Variants in LIAT1 observed in about 807,000 individuals in gnomAD.
The protein encoded by LIAT1 is ligand of ATE1.
chr17:410,910 A>G, the LIAT1 span, among the ~76,000 whole-genome samples: 4 of 152,078 alleles, frequency 2.6e-5, no homozygotes, highest in African/African-American at 7.2e-5. Flanking sequence ...CCAGCCCCAC[A>G]CAAAGACACC....
At chr17:410,580 C>T in the LIAT1 span, 1 of 1,546,478 alleles carries the variant, frequency 6.5e-7, no homozygotes, top group Non-Finnish European at 8.7e-7. Context: ...CGCCTCCGAG[C>T]TGGCCAAACG....
chr17:414,128 G>A, the LIAT1 span: 217 of 1,606,128 alleles, frequency 1.4e-4, no homozygotes, highest in Non-Finnish European at 1.7e-4. The surrounding 1 kb of genome is among the most constrained non-coding windows in gnomAD (Gnocchi z 4.1). Flanking sequence ...ATCTACCCAC[G>A]ACGCTCACAA....
chr17:411,042 C>A, the LIAT1 span, among the ~76,000 whole-genome samples: 1 of 152,156 alleles, frequency 6.6e-6, no homozygotes, highest in Admixed American at 6.5e-5. Flanking sequence ...CATGAAAGGC[C>A]CTCACTCTCA....
At chr17:410,682 G>C in the LIAT1 span, 3 of 1,528,890 alleles carry the variant, frequency 2.0e-6, no homozygotes, top group Non-Finnish European at 1.8e-6. Flanking sequence ...CGTCAGCTCC[G>C]GTTCCCTGGA....
chr17:412,672 G>A, the LIAT1 span, among the ~76,000 whole-genome samples: 1,480 of 152,164 alleles, frequency 9.7e-3, 27 homozygotes, highest in African/African-American at 0.034. Context: ...GTTGTTTTCC[G>A]TTCCTTCCAT....
the LIAT1 span, chr17:414,140 C>T: frequency 6.3e-7 from 1 of 1,598,916 alleles, no homozygotes; most frequent in Non-Finnish European, 8.5e-7. The surrounding 1 kb of genome is among the most constrained non-coding windows in gnomAD (Gnocchi z 4.1). Context: ...CGCTCACAAA[C>T]TTATAATTCC....
At chr17:412,103 C>T in the LIAT1 span, among the ~76,000 whole-genome samples, 41 of 152,308 alleles carry the variant, frequency 2.7e-4, no homozygotes, top group African/African-American at 9.6e-4. Context: ...ACATGGCTCA[C>T]GCCTGTAATC....
the LIAT1 span, chr17:414,239 C>A: frequency 1.6e-6 from 2 of 1,218,998 alleles, no homozygotes; most frequent in African/African-American, 1.5e-5. The surrounding 1 kb of genome is among the most constrained non-coding windows in gnomAD (Gnocchi z 4.1). Context: ...GGTACACGGA[C>A]GACGCCGACT....
At chr17:413,337 G>A in the LIAT1 span, 48 of 1,614,228 alleles carry the variant, frequency 3.0e-5, 1 homozygote, top group Admixed American at 1.8e-4. Context: ...CTTGCGAATC[G>A]GATCAACGAA....
the LIAT1 span, chr17:413,155 T>A: frequency 6.2e-7 from 1 of 1,613,694 alleles, no homozygotes; most frequent in African/African-American, 1.3e-5. Flanking sequence ...CAGATAAACA[T>A]CAGAGTCAGA....
chr17:410,328 G>A, the LIAT1 span: 2 of 1,455,718 alleles, frequency 1.4e-6, no homozygotes, highest in South Asian at 1.4e-5. Context: ...CGCAGGCGCA[G>A]CAGGGGTGGT....
chr17:413,467 C>T, the LIAT1 span: 3 of 1,573,958 alleles, frequency 1.9e-6, no homozygotes, highest in East Asian at 2.4e-5. Context: ...TCCACCCCGA[C>T]CCCGAGGCCC....
chr17:411,663 C>G, the LIAT1 span, among the ~76,000 whole-genome samples: 5 of 151,916 alleles, frequency 3.3e-5, no homozygotes, highest in African/African-American at 1.2e-4. Context: ...ATTGCAGTCT[C>G]TCTCAGGGAC....
the LIAT1 span, chr17:410,600 G>C: frequency 6.5e-7 from 1 of 1,545,152 alleles, no homozygotes; most frequent in East Asian, 2.4e-5. Flanking sequence ...GGAAGGTGAA[G>C]AAGAAAAAAA....
chr17:413,617 C>A, the LIAT1 span: 3 of 1,547,158 alleles, frequency 1.9e-6, no homozygotes, highest in East Asian at 2.4e-5. Context: ...TCCACCCCGA[C>A]CCCGAGGCCC....
chr17:410,487 AAGGACAACGACGGCG>A, the LIAT1 span: 1 of 1,543,926 alleles, frequency 6.5e-7, no homozygotes, highest in Non-Finnish European at 8.7e-7. Flanking sequence ...AATGGGGTAC[AAGGACAACGACGGCG>A]AGGAGGAGGA....
chr17:410,364 C>T, the LIAT1 span: 2 of 1,506,662 alleles, frequency 1.3e-6, no homozygotes, highest in South Asian at 2.6e-5. Context: ...TGGCCCTGGC[C>T]TGGCGGTCCG....
chr17:413,952 A>G, the LIAT1 span: 3 of 1,614,102 alleles, frequency 1.9e-6, no homozygotes, highest in Middle Eastern at 3.3e-4. Flanking sequence ...ACTGACCCCA[A>G]TGCCGAGGAG....
At chr17:413,625 C>T in the LIAT1 span, 2 of 1,552,804 alleles carry the variant, frequency 1.3e-6, no homozygotes, top group Non-Finnish European at 1.7e-6. Context: ...GACCCCGAGG[C>T]CCTCAAGGGC....
Sources: allele counts gnomAD v4.1 joint callset (sites outside exome capture counted in the v4.1 genomes callset), GRCh38; gene constraint gnomAD v4.1.1; non-coding constraint Gnocchi (gnomAD v3.1); transcripts MANE v1.5; gene names NCBI Gene and HGNC (gene_info 2026-07-23, HGNC 2026-07-21).